Variants in SPAG16 observed in about 807,000 individuals in gnomAD.
The protein encoded by SPAG16 is sperm-associated antigen 16 protein.
In SPAG16, 86 loss-of-function variants were observed where a neutral mutation model predicts 80.4. The observed-to-expected ratio is 1.07, with a 90% CI of 0.90 to 1.28. The LOEUF is 1.28. Among genes scored for constraint, SPAG16 ranks in the 50% most tolerant of loss-of-function variants. SPAG16 has a pLI of 0.00. For synonymous variants in SPAG16, 294 were observed against 265.9 expected (o/e 1.11, Z -1.03); for missense variants, 870 against 765.3 (o/e 1.14, Z -1.61).
chr2:214,270,244 C>T (rs1475443497), intron 15 of SPAG16, among the ~76,000 whole-genome samples: 1 of 152,182 alleles, frequency 6.6e-6, no homozygotes, highest in Admixed American at 6.5e-5. Flanking sequence ...TTGGCTGCAT[C>T]TTAACCATCC....
At chr2:213,411,644 A>G (rs1395550710) in intron 9 of SPAG16, among the ~76,000 whole-genome samples, 1 of 152,202 alleles carries the variant, frequency 6.6e-6, no homozygotes, top group East Asian at 1.9e-4. Context: ...CTCAGGGGTA[A>G]ATGACCCCTT....
chr2:213,979,406 C>A (rs771651585), intron 12 of SPAG16, among the ~76,000 whole-genome samples: 2 of 151,960 alleles, frequency 1.3e-5, no homozygotes, highest in Non-Finnish European at 2.9e-5. Flanking sequence ...AAGAACTGCC[C>A]GTGACTGGGT....
intron 15 of SPAG16, among the ~76,000 whole-genome samples, chr2:214,319,506 A>G (rs1304654875): frequency 2.5e-5 from 1 of 39,524 alleles, no homozygotes; most frequent in Non-Finnish European, 1.5e-4. Flanking sequence ...CCACTGGAAA[A>G]AAAAAAAAAA....
chr2:214,059,211 T>TACAC (rs2050114621), intron 13 of SPAG16, among the ~76,000 whole-genome samples: 1 of 105,526 alleles, frequency 9.5e-6, no homozygotes, highest in African/African-American at 3.5e-5. Flanking sequence ...TATATATATA[T>TACAC]ATATGTATGT....
rs200607672 is a variant in SPAG16 at position 214,014,044 on chromosome 2, A to G, written c.1494A>G (p.Ala498=). Residue 498 remains alanine (A), a synonymous_variant, in exon 13 of 16, where the codon GCA becomes GCG. Coordinates refer to ENST00000331683, the MANE Select transcript of SPAG16 (RefSeq NM_024532.5). ...PFSNTLLTSS[A]DKTLSIWDAR... The stretch of plus-strand genomic sequence containing the variant: ...CCAATACTCTTCTCACAAGCTCTGC[A>G]GACAAGACCCTGTCTATATGGGATG... The G allele has an allele frequency of 1.4e-4, 228 of 1,613,536 alleles. No homozygotes were observed. The highest frequency in any genetic ancestry group is 1.8e-4 in the Non-Finnish European group (208 of 1,179,754).
intron 10 of SPAG16, among the ~76,000 whole-genome samples, chr2:213,692,849 A>G (rs542833726): frequency 4.8e-4 from 73 of 152,174 alleles, no homozygotes; most frequent in African/African-American, 1.5e-3. Flanking sequence ...TTATCTTGAA[A>G]ACTATATGTC....
At chr2:214,097,965 G>T (rs1401531976) in intron 13 of SPAG16, among the ~76,000 whole-genome samples, 3 of 151,946 alleles carry the variant, frequency 2.0e-5, no homozygotes, top group African/African-American at 7.2e-5. Flanking sequence ...GAAAACTGAG[G>T]CTTAGAGTGT....
intron 13 of SPAG16, among the ~76,000 whole-genome samples, chr2:214,088,364 G>GA (rs753555220): frequency 1.2e-4 from 18 of 151,074 alleles, no homozygotes; most frequent in Admixed American, 3.3e-4. Context: ...AGATACAGGT[G>GA]AAAAAAACCA....
At chr2:213,536,481 C>T (rs941509417) in intron 10 of SPAG16, among the ~76,000 whole-genome samples, 2 of 152,196 alleles carry the variant, frequency 1.3e-5, no homozygotes, top group Non-Finnish European at 2.9e-5. Context: ...CACATCCTCT[C>T]CAGCACCTGT....
At chr2:213,846,648 A>C (rs751525795) in intron 10 of SPAG16, among the ~76,000 whole-genome samples, 1 of 152,130 alleles carries the variant, frequency 6.6e-6, no homozygotes, top group African/African-American at 2.4e-5. Flanking sequence ...CCTTTATCTT[A>C]TATTTAAAAT....
intron 11 of SPAG16, among the ~76,000 whole-genome samples, chr2:213,864,138 A>G (rs1437595434): frequency 6.6e-6 from 1 of 152,208 alleles, no homozygotes; most frequent in African/African-American, 2.4e-5. Flanking sequence ...ACACATTCTG[A>G]AAGAGTTTAT....
intron 11 of SPAG16, among the ~76,000 whole-genome samples, chr2:213,890,128 T>C (rs191045732): frequency 3.8e-4 from 58 of 152,186 alleles, no homozygotes; most frequent in African/African-American, 1.3e-3. Context: ...TTTAAGTGAA[T>C]TAAGCAATTT....
intron 15 of SPAG16, among the ~76,000 whole-genome samples, chr2:214,394,781 C>G (rs894490950): frequency 6.6e-6 from 1 of 152,070 alleles, no homozygotes; most frequent in African/African-American, 2.4e-5. Flanking sequence ...TTTGGACAAA[C>G]GTATAATGAC....
chr2:213,409,868 A>G (rs1409317724), intron 9 of SPAG16, among the ~76,000 whole-genome samples: 8 of 152,258 alleles, frequency 5.3e-5, no homozygotes, highest in South Asian at 4.1e-4. Flanking sequence ...TAAAAGGTCA[A>G]TTTCTTAGAA....
chr2:213,522,961 ATTG>A lies in SPAG16; in HGVS notation c.1070+32874_1070+32876del, dbSNP rs749805721. On this transcript the variant is annotated intron_variant, in intron 10 of 15. Transcript: ENST00000331683. ...TATGGAGAGGCAGAGGCAACTAATT[ATTG>A]TTAATTTAATAACTATTAATAGCCC... Among the ~76,000 whole-genome samples, 140 of 152,026 alleles carry A rather than the reference ATTG, an allele frequency of 9.2e-4. 1 individual carries two copies. The highest frequency in any genetic ancestry group is 2.1e-4 in the Non-Finnish European group (14 of 67,988).
chr2:214,384,100 A>G (rs1700615258), intron 15 of SPAG16, among the ~76,000 whole-genome samples: 1 of 152,226 alleles, frequency 6.6e-6, no homozygotes, highest in Admixed American at 6.5e-5. Flanking sequence ...GAATATTTCA[A>G]TTTAAAACCA....
chr2:214,156,000 T>C (rs781074585), intron 15 of SPAG16, among the ~76,000 whole-genome samples: 5 of 152,186 alleles, frequency 3.3e-5, no homozygotes, highest in Non-Finnish European at 7.4e-5. Context: ...TTCTAATAAT[T>C]GTATTTGGCT....
At chr2:213,601,033 T>G (rs1192175743) in intron 10 of SPAG16, among the ~76,000 whole-genome samples, 6 of 152,154 alleles carry the variant, frequency 3.9e-5, no homozygotes. Context: ...GTGGATGATT[T>G]TAAGCAAGGA....
At position 213,416,114 on chromosome 2, in the gene SPAG16, C is replaced by T. The variant is rs150823793; in HGVS notation, c.942+40995C>T. On this transcript the variant is annotated intron_variant, in intron 9 of 15. Coordinates refer to ENST00000331683, the MANE Select transcript of SPAG16 (RefSeq NM_024532.5). ...ATGTCACATACAGTGAGTTTGCTGG[C>T]CCATGGCTGTAAGAAGGAATCAATG... 1.0e-3 allele frequency among the ~76,000 whole-genome samples: 158 copies of T among 152,276 alleles called. 3 individuals are homozygous for T. The South Asian group carries it at 0.028, about 27-fold the overall frequency.
Sources: allele counts gnomAD v4.1 joint callset (sites outside exome capture counted in the v4.1 genomes callset), GRCh38; gene constraint gnomAD v4.1.1; transcripts MANE v1.5; gene names NCBI Gene and HGNC (gene_info 2026-07-23, HGNC 2026-07-21).